UST: variants seen among roughly 807,000 people sequenced by gnomAD.
UST encodes the protein uronyl 2-sulfotransferase, also known as chondroitin sulfate 2-O-sulfotransferase.
Under a neutral mutation model 45.6 loss-of-function variants are expected in UST, and 21 were observed. The ratio of observed to expected loss-of-function variants is 0.46; its 90% CI spans 0.33 to 0.66. UST has a LOEUF of 0.66. UST is among the 30% of genes least tolerant of loss of function. The pLI is 0.02. For synonymous variants in UST, 215 were observed against 200.6 expected (o/e 1.07, Z -0.61); for missense variants, 463 against 512.4 (o/e 0.90, Z 0.93).
chr6:148,826,431 T>C (rs1218223135), intron 1 of UST, among the ~76,000 whole-genome samples: 4 of 129,560 alleles, frequency 3.1e-5, no homozygotes, highest in Non-Finnish European at 3.3e-5. Flanking sequence ...TTATTCATCA[T>C]GTTTTTTTTT....
intron 2 of UST, among the ~76,000 whole-genome samples, chr6:148,940,499 T>TA (rs1039091307): frequency 4.0e-5 from 6 of 151,880 alleles, no homozygotes; most frequent in Admixed American, 2.6e-4. Context: ...TCTAAAAAAA[T>TA]AAAAAAATAC....
intron 3 of UST, among the ~76,000 whole-genome samples, chr6:148,949,593 T>A (rs951298210): frequency 3.3e-5 from 5 of 152,168 alleles, no homozygotes; most frequent in Middle Eastern, 3.4e-3. Context: ...ATAATGAACA[T>A]ATGGGTCTGT....
chr6:149,053,546 T>C (rs1776519202), intron 7 of UST, among the ~76,000 whole-genome samples: 2 of 152,222 alleles, frequency 1.3e-5, no homozygotes, highest in African/African-American at 2.4e-5. Context: ...ATATGACTTA[T>C]TTACTATATG....
chr6:149,047,975 A>G (rs1186701208), intron 7 of UST, among the ~76,000 whole-genome samples: 1 of 152,220 alleles, frequency 6.6e-6, no homozygotes, highest in Non-Finnish European at 1.5e-5. Context: ...TAACAGAAAC[A>G]GTTGCTAATG....
intron 4 of UST, among the ~76,000 whole-genome samples, chr6:148,958,327 C>CT (rs1197395679): frequency 2.0e-5 from 3 of 152,110 alleles, no homozygotes; most frequent in Admixed American, 6.5e-5. Context: ...GGAAGGTTTC[C>CT]TGCCCGGGGA....
At chr6:148,952,684 T>C (rs972808807) in intron 3 of UST, among the ~76,000 whole-genome samples, 1 of 152,212 alleles carries the variant, frequency 6.6e-6, no homozygotes, top group Non-Finnish European at 1.5e-5. Flanking sequence ...TCTTATTTTA[T>C]TGTTCTTGTT....
At chr6:148,918,851 G>A (rs1271937758) in intron 2 of UST, among the ~76,000 whole-genome samples, 1 of 151,924 alleles carries the variant, frequency 6.6e-6, no homozygotes, top group Non-Finnish European at 1.5e-5. Context: ...TTTAATTTGT[G>A]CATTTTTGTT....
Position 149,074,010 on chromosome 6 carries a change from C to A in UST, c.1115C>A (p.Pro372His), listed in dbSNP as rs372785635. ...FGLKSHVSKP[P>H]LRPHFFIPTP... is the part of the protein sequence containing the mutation. The stretch of plus-strand genomic sequence containing the variant: ...CTTAAGTCTCACGTCAGCAAGCCCC[C>A]CCTGAGGCCACACTTCTTTATCCCA... Residue 372 changes from proline to histidine, a missense_variant, in exon 8 of 8, where the codon CCC (proline) becomes CAC (histidine). Pro to His is a moderately conservative substitution (Grantham distance 77, BLOSUM62 -2). Transcript: ENST00000367463. 13 of 1,614,066 alleles carry A rather than the reference C, an allele frequency of 8.1e-6. No individual in the cohort carries two copies. In the East Asian group the frequency reaches 8.9e-5, roughly 11 times the overall value.
At chr6:149,031,480 G>A (rs2115025845) in intron 7 of UST, among the ~76,000 whole-genome samples, 1 of 152,238 alleles carries the variant, frequency 6.6e-6, no homozygotes, top group Middle Eastern at 3.4e-3. Context: ...CATAATATAT[G>A]TGCGTTTGGC....
intron 7 of UST, among the ~76,000 whole-genome samples, chr6:149,042,724 CA>C (rs1776332652): frequency 1.3e-5 from 2 of 152,244 alleles, no homozygotes; most frequent in Admixed American, 1.3e-4. Context: ...TGGCCCACAG[CA>C]GAAGTTCTTA....
chr6:148,907,688 G>A (rs1010337079), intron 2 of UST, among the ~76,000 whole-genome samples: 1 of 152,132 alleles, frequency 6.6e-6, no homozygotes, highest in African/African-American at 2.4e-5. Context: ...ACTAGTTTCA[G>A]GGTGTAAAAA....
At chr6:148,979,637 G>C (rs1781090835) in intron 5 of UST, among the ~76,000 whole-genome samples, 1 of 152,234 alleles carries the variant, frequency 6.6e-6, no homozygotes, top group African/African-American at 2.4e-5. Flanking sequence ...CAAGGTCCTT[G>C]AAAAGAATGT....
At chr6:148,899,249 G>A (rs1779201337) in intron 2 of UST, among the ~76,000 whole-genome samples, 1 of 151,812 alleles carries the variant, frequency 6.6e-6, no homozygotes, top group African/African-American at 2.4e-5. Flanking sequence ...ACAGGCACCC[G>A]CCACTACGCC....
At chr6:148,859,634 A>G (rs978221460) in intron 1 of UST, among the ~76,000 whole-genome samples, 3 of 152,210 alleles carry the variant, frequency 2.0e-5, no homozygotes, top group African/African-American at 7.2e-5. Context: ...TAGGTCTAAC[A>G]TTTAAGTCTT....
At chr6:148,832,443 CAT>C (rs1777706286) in intron 1 of UST, among the ~76,000 whole-genome samples, 1 of 152,052 alleles carries the variant, frequency 6.6e-6, no homozygotes, top group South Asian at 2.1e-4. Flanking sequence ...ATATAATTTA[CAT>C]GTCTTAGTAT....
rs910160580 is a variant in UST at position 148,874,746 on chromosome 6, G to A, written c.248-12240G>A. On this transcript the variant is annotated intron_variant, in intron 1 of 7. Coordinates refer to ENST00000367463, the MANE Select transcript of UST (RefSeq NM_005715.3). Reference sequence around the variant, plus strand: ...TGTTTTGGGGCTGCATTAATTATAAGCAATGGAGCTGCTGGAGACATTTAC... The same window carrying A: ...TGTTTTGGGGCTGCATTAATTATAAACAATGGAGCTGCTGGAGACATTTAC... Among the ~76,000 whole-genome samples the A allele has an allele frequency of 3.3e-5, 5 of 152,198 alleles. No homozygotes were observed. In the East Asian group the frequency reaches 5.8e-4, roughly 18 times the overall value.
At chr6:148,902,164 AT>A (rs1162686100) in intron 2 of UST, among the ~76,000 whole-genome samples, 1 of 152,144 alleles carries the variant, frequency 6.6e-6, no homozygotes, top group Non-Finnish European at 1.5e-5. Context: ...TTCATGTACC[AT>A]TCCAGATACT....
Position 149,069,983 on chromosome 6 carries a change from G to T in UST, c.938-3850G>T, listed in dbSNP as rs538218235. Among the ~76,000 whole-genome samples, 4 of 152,362 alleles carry T rather than the reference G, an allele frequency of 2.6e-5. No homozygotes were observed. In the East Asian group the frequency reaches 5.8e-4, roughly 22 times the overall value. ...CCTTACGACAAAGAGCTTTGAGGCT[G>T]TGAAATAGAACAGATTTCCAAATTA... is the stretch of plus-strand genomic sequence containing the variant. On this transcript the variant is annotated intron_variant, in intron 7 of 7. Coordinates refer to ENST00000367463, the MANE Select transcript of UST (RefSeq NM_005715.3).
chr6:149,075,664 G>T lies in UST; in HGVS notation c.*1548G>T, dbSNP rs751237816. ...GAAATATTTTCACCTTAAAAAAAAT[G>T]CTGAAAATACACATTCTCCTGGGAA... On this transcript the variant is annotated 3_prime_UTR_variant, in exon 8 of 8. Transcript: ENST00000367463. 2.6e-5 allele frequency: 4 copies of T among 152,090 alleles called. No homozygotes were observed. The highest frequency in any genetic ancestry group is 9.7e-5 in the African/African-American group (4 of 41,414). The allele number at this position is 152,090 out of a possible 1,614,324, so 9.4% of individuals were successfully genotyped here.
Sources: gnomAD v4.1 joint callset for allele counts (sites outside exome capture counted in the v4.1 genomes callset) on GRCh38, gnomAD v4.1.1 for gene constraint, MANE v1.5 for transcripts, NCBI Gene and HGNC (gene_info 2026-07-23, HGNC 2026-07-21) for gene names.